The following CADPS2 variants were observed in gnomAD, a reference collection of about 807,000 sequenced individuals.
CADPS2 encodes the protein calcium dependent secretion activator 2.
In CADPS2, 93 loss-of-function variants were observed where a neutral mutation model predicts 172.5. The ratio of observed to expected loss-of-function variants is 0.54; its 90% CI spans 0.46 to 0.64. The LOEUF (loss-of-function observed/expected upper bound fraction) is 0.64, where lower values mean the gene tolerates loss of function less well. Ranked by LOEUF, CADPS2 falls within the 30% of genes least tolerant of loss-of-function variation. The pLI, the probability that CADPS2 is intolerant of heterozygous loss-of-function variation, is 0.00. For missense variants in CADPS2, 1,420 were observed against 1,565.9 expected (o/e 0.91, Z 1.57); for synonymous variants, 546 against 555.2 (o/e 0.98, Z 0.23).
intron 20 of CADPS2, among the ~76,000 whole-genome samples, chr7:122,406,576 G>A (rs1181770149): frequency 6.6e-6 from 1 of 152,192 alleles, no homozygotes; most frequent in African/African-American, 2.4e-5. Flanking sequence ...AGAACACTGA[G>A]AAATGGAGTG....
rs908389544 is a variant in CADPS2, at chr7:122,435,043, G to T, written c.2476+3298C>A. Among the ~76,000 whole-genome samples, 3 of 152,084 alleles carry T rather than the reference G, an allele frequency of 2.0e-5. No homozygotes were observed. In the South Asian group the frequency reaches 6.2e-4, roughly 31 times the overall value. On this transcript the variant is annotated intron_variant, in intron 17 of 29. Transcript: ENST00000449022. ...AAAATATTGCTGAATTTTTAGAGAT[G>T]AATGGCCTATACTTTACCTACAAAG... is the stretch of plus-strand genomic sequence containing the variant.
chr7:122,803,019 G>C (rs373817343), intron 1 of CADPS2, among the ~76,000 whole-genome samples: 1 of 152,062 alleles, frequency 6.6e-6, no homozygotes, highest in African/African-American at 2.4e-5. Context: ...AAAAAAATAT[G>C]AATTATATTT....
chr7:122,522,291 T>C (rs967505901), intron 8 of CADPS2, among the ~76,000 whole-genome samples: 12 of 152,028 alleles, frequency 7.9e-5, no homozygotes, highest in African/African-American at 2.9e-4. Flanking sequence ...ATTTTTGTAC[T>C]TTTGGTAGAG....
At chr7:122,712,581 GGAACT>G (rs2088923014) in intron 2 of CADPS2, among the ~76,000 whole-genome samples, 1 of 152,024 alleles carries the variant, frequency 6.6e-6, no homozygotes, top group African/African-American at 2.4e-5. Context: ...TTTTTTCCAA[GGAACT>G]GACTTTCTGA....
At chr7:122,827,400 T>TTG (rs1805218621) in intron 1 of CADPS2, among the ~76,000 whole-genome samples, 1 of 40,242 alleles carries the variant, frequency 2.5e-5, no homozygotes, top group Non-Finnish European at 4.6e-5. Flanking sequence ...CTCACACATG[T>TTG]AATCCCAGCA....
At chr7:122,631,388 T>A (rs963450329) in intron 3 of CADPS2, among the ~76,000 whole-genome samples, 8 of 152,244 alleles carry the variant, frequency 5.3e-5, no homozygotes, top group African/African-American at 1.9e-4. Context: ...AGTGAAATTG[T>A]TTGAGTTATT....
intron 1 of CADPS2, among the ~76,000 whole-genome samples, chr7:122,833,539 T>C (rs1807284979): frequency 6.6e-6 from 1 of 151,534 alleles, no homozygotes; most frequent in Non-Finnish European, 1.5e-5. Flanking sequence ...TTTGTTTTTT[T>C]TTGTTTGTTT....
chr7:122,527,617 A>AGAGAGAGAGAGAGAGGGTGT, intron 8 of CADPS2, among the ~76,000 whole-genome samples: 2 of 83,806 alleles, frequency 2.4e-5, no homozygotes, highest in Non-Finnish European at 5.2e-5. Flanking sequence ...AGAGAGAGAG[A>AGAGAGAGAGAGAGAGGGTGT]GTGTGTGTGT....
chr7:122,558,872 ACT>A, intron 7 of CADPS2, among the ~76,000 whole-genome samples: 1 of 152,242 alleles, frequency 6.6e-6, no homozygotes, highest in African/African-American at 2.4e-5. Context: ...AAATTGCTAA[ACT>A]CTGTTTCAAC....
intron 1 of CADPS2, among the ~76,000 whole-genome samples, chr7:122,794,508 C>T (rs550465112): frequency 3.9e-5 from 6 of 151,996 alleles, no homozygotes; most frequent in African/African-American, 1.2e-4. Flanking sequence ...TCAACTCCCA[C>T]GCAATAATAG....
chr7:122,534,436 A>G (rs2062046443), intron 8 of CADPS2, among the ~76,000 whole-genome samples: 1 of 152,152 alleles, frequency 6.6e-6, no homozygotes. Flanking sequence ...GCTGAAAGAT[A>G]TTATGCAGAT....
At chr7:122,602,781 A>C (rs2072984507) in intron 6 of CADPS2, among the ~76,000 whole-genome samples, 1 of 152,096 alleles carries the variant, frequency 6.6e-6, no homozygotes, top group African/African-American at 2.4e-5. Context: ...ACTCTTTCAG[A>C]TTTCCCTGTA....
At chr7:122,505,981 G>A (rs2059580972) in intron 9 of CADPS2, among the ~76,000 whole-genome samples, 1 of 152,152 alleles carries the variant, frequency 6.6e-6, no homozygotes, top group Non-Finnish European at 1.5e-5. Flanking sequence ...TGGTTTACTA[G>A]CCAGTTACCA....
At chr7:122,712,626 G>A (rs1239406259) in intron 2 of CADPS2, among the ~76,000 whole-genome samples, 4 of 152,078 alleles carry the variant, frequency 2.6e-5, no homozygotes, top group Non-Finnish European at 5.9e-5. Context: ...AGGTATGAAG[G>A]AAGGACCAGA....
At chr7:122,545,868 T>C in intron 8 of CADPS2, among the ~76,000 whole-genome samples, 1 of 152,182 alleles carries the variant, frequency 6.6e-6, no homozygotes, top group African/African-American at 2.4e-5. Flanking sequence ...TGGACTACTG[T>C]TATATCCTTC....
At chr7:122,381,285 T>A (rs1053060276) in intron 24 of CADPS2, among the ~76,000 whole-genome samples, 3 of 152,078 alleles carry the variant, frequency 2.0e-5, no homozygotes, top group African/African-American at 7.2e-5. Context: ...CAAGAGGAAA[T>A]TAAATGCCAC....
intron 2 of CADPS2, among the ~76,000 whole-genome samples, chr7:122,713,064 C>G (rs2089013044): frequency 6.6e-6 from 1 of 152,044 alleles, no homozygotes; most frequent in Non-Finnish European, 1.5e-5. Flanking sequence ...TTCTGATATC[C>G]TAAGTTATCA....
At chr7:122,698,645 A>T (rs2085530080) in intron 2 of CADPS2, 5 of 1,614,074 alleles carry the variant, frequency 3.1e-6, no homozygotes, top group Non-Finnish European at 4.2e-6. Context: ...GATCGGCTGA[A>T]AATGGTATTG....
intron 1 of CADPS2, among the ~76,000 whole-genome samples, chr7:122,794,801 T>C (rs1400776519): frequency 6.9e-6 from 1 of 145,942 alleles, no homozygotes; most frequent in Non-Finnish European, 1.5e-5. Flanking sequence ...AAATTGGAAA[T>C]CAAGACTAAG....
Sources: allele counts gnomAD v4.1 joint callset (sites outside exome capture counted in the v4.1 genomes callset), GRCh38; gene constraint gnomAD v4.1.1; transcripts MANE v1.5; gene names NCBI Gene and HGNC (gene_info 2026-07-23, HGNC 2026-07-21).